The following KLF7 variants were observed in gnomAD, a reference collection of about 807,000 sequenced individuals.
KLF7 encodes Krueppel-like factor 7.
A neutral mutation model predicts 27.3 loss-of-function variants in KLF7; 2 were observed. The ratio of observed to expected loss-of-function variants is 0.07; its 90% CI spans 0.03 to 0.23. The LOEUF (loss-of-function observed/expected upper bound fraction) is 0.23. Ranked by LOEUF, KLF7 falls within the 10% of genes least tolerant of loss-of-function variation. The probability of loss-of-function intolerance (pLI) is 1.00; values close to 1 mark genes in which losing one functional copy is unlikely to be tolerated. For synonymous variants in KLF7, 165 were observed against 162.4 expected (o/e 1.02, Z -0.12); for missense variants, 221 against 394.1 (o/e 0.56, Z 3.72).
intron 1 of KLF7, among the ~76,000 whole-genome samples, chr2:207,130,404 T>C (rs1350928332): frequency 6.6e-6 from 1 of 152,262 alleles, no homozygotes; most frequent in Non-Finnish European, 1.5e-5. Context: ...GTGGGATGTC[T>C]GGTTTATTAA....
intron 2 of KLF7, among the ~76,000 whole-genome samples, chr2:207,095,471 T>G (rs2076608377): frequency 6.6e-6 from 1 of 152,200 alleles, no homozygotes; most frequent in Non-Finnish European, 1.5e-5. Context: ...CTCAATGAGG[T>G]ACAGCTCCTA....
rs1333485165 is a variant in KLF7 at position 207,078,973 on chromosome 2, C to T, written c.*2240G>A. 1 of 152,084 alleles carries T rather than the reference C, an allele frequency of 6.6e-6. No homozygotes were observed. Among genetic ancestry groups the T allele is most frequent in the Non-Finnish European group, 1.5e-5 (1 of 68,034 alleles). 9.4% of individuals were successfully genotyped at this position (152,084 alleles called of 1,614,324 possible). On this transcript the variant is annotated 3_prime_UTR_variant, in exon 4 of 4. Coordinates refer to ENST00000309446, the MANE Select transcript of KLF7 (RefSeq NM_003709.4). ...TAATACCCTCCAACTAACATACATA[C>T]AATTGCCTCCGGCAAATGGACAGAT... is the stretch of plus-strand genomic sequence containing the variant.
chr2:207,081,403 G>T, intron 3 of KLF7, 139 bp from the exon 4 acceptor site: 1 of 798,298 alleles, frequency 1.3e-6, no homozygotes. Context: ...GTGTTGGGAA[G>T]GTAAGTTTAA....
At chr2:207,138,384 G>C (rs189581648) in intron 1 of KLF7, among the ~76,000 whole-genome samples, 22 of 152,284 alleles carry the variant, frequency 1.4e-4, no homozygotes, top group African/African-American at 4.8e-4. Context: ...GGAAAAAGGT[G>C]GTCCTTGATA....
upstream of KLF7, among the ~76,000 whole-genome samples, chr2:207,168,852 G>T (rs1433101630): frequency 6.6e-6 from 1 of 152,124 alleles, no homozygotes; most frequent in African/African-American, 2.4e-5. Flanking sequence ...CACATGCAAG[G>T]TATCCAGATG....
At chr2:207,151,478 G>A (rs2078246773) in intron 1 of KLF7, among the ~76,000 whole-genome samples, 1 of 152,008 alleles carries the variant, frequency 6.6e-6, no homozygotes, top group African/African-American at 2.4e-5. Flanking sequence ...TAAATATGGG[G>A]CATAAAAAAG....
chr2:207,087,070 G>A (rs1474046183), intron 3 of KLF7, among the ~76,000 whole-genome samples: 1 of 152,242 alleles, frequency 6.6e-6, no homozygotes, highest in African/African-American at 2.4e-5. Flanking sequence ...AGCATACTCT[G>A]TAGAAGACAG....
At chr2:207,101,455 A>C (rs2076763580) in intron 2 of KLF7, among the ~76,000 whole-genome samples, 1 of 152,222 alleles carries the variant, frequency 6.6e-6, no homozygotes, top group African/African-American at 2.4e-5. Context: ...TGAAACTTGA[A>C]GGACACTAAG....
intron 3 of KLF7, among the ~76,000 whole-genome samples, chr2:207,086,016 G>T (rs558218045): frequency 4.8e-5 from 7 of 146,140 alleles, no homozygotes; most frequent in African/African-American, 1.8e-4. Flanking sequence ...AACCAAAAAC[G>T]TCATGAATTT....
At chr2:207,171,873 C>T (rs2078789202), upstream of KLF7, among the ~76,000 whole-genome samples, 1 of 152,078 alleles carries the variant, frequency 6.6e-6, no homozygotes, top group Admixed American at 6.5e-5. Context: ...CCAAAGTCAG[C>T]AATATTTTCA....
At chr2:207,142,406 C>G (rs2077969267) in intron 1 of KLF7, among the ~76,000 whole-genome samples, 1 of 152,206 alleles carries the variant, frequency 6.6e-6, no homozygotes, top group Non-Finnish European at 1.5e-5. Context: ...TGAGCTTCCA[C>G]TTTATATAGG....
intron 2 of KLF7, among the ~76,000 whole-genome samples, chr2:207,101,252 G>C (rs1412390790): frequency 1.3e-5 from 2 of 152,240 alleles, no homozygotes; most frequent in Non-Finnish European, 2.9e-5. Context: ...GACACTGCTA[G>C]AGATTAAAGC....
At chr2:207,159,692 T>C (rs1049783922) in intron 1 of KLF7, among the ~76,000 whole-genome samples, 7 of 152,194 alleles carry the variant, frequency 4.6e-5, no homozygotes, top group Non-Finnish European at 7.3e-5. Context: ...CAATGAAGAA[T>C]GGTATCCCCC....
At position 207,124,311 on chromosome 2, in the gene KLF7, G is replaced by A; in HGVS notation, c.196C>T (p.Pro66Ser). ...EDLDCFLHAS[P>S]PPCIEESFRR... ...AAGCTTTCCTCAATGCACGGGGGAG[G>A]GGAAGCGTGGAGGAAACAGTCCAAG... Residue 66 changes from proline to serine, a missense_variant, in exon 2 of 4, where the codon CCT (proline) becomes TCT (serine). Around this residue, in one of 3 missense-constraint regions of KLF7, gnomAD observed 180 missense variants for 227.9 expected, o/e 0.79. Transcript: ENST00000309446. 1 of 1,613,142 alleles carries A rather than the reference G, an allele frequency of 6.2e-7. No individual in the cohort carries two copies. The highest frequency in any genetic ancestry group is 8.5e-7 in the Non-Finnish European group (1 of 1,179,242).
At chr2:207,110,151 A>G (rs2244918) in intron 2 of KLF7, 61,249 of 154,664 alleles carry the variant, frequency 0.4, 12,756 homozygotes, top group African/African-American at 0.52. Context: ...AAATGCAGAC[A>G]TAAAGTATGT....
chr2:207,160,836 CT>C (rs1299192559), intron 1 of KLF7, among the ~76,000 whole-genome samples: 1 of 152,186 alleles, frequency 6.6e-6, no homozygotes, highest in East Asian at 1.9e-4. Flanking sequence ...CATTTGGATG[CT>C]TAAGGTCTCT....
intron 3 of KLF7, among the ~76,000 whole-genome samples, chr2:207,081,726 A>G (rs1011407625): frequency 6.6e-6 from 1 of 152,132 alleles, no homozygotes; most frequent in South Asian, 2.1e-4. Context: ...TAATTAGTCT[A>G]TATCATCAAA....
chr2:207,116,517 T>G (rs2244089), intron 2 of KLF7, among the ~76,000 whole-genome samples: 29,719 of 152,142 alleles, frequency 0.2, 3,186 homozygotes, highest in East Asian at 0.34. Flanking sequence ...CCATCAATTC[T>G]TATAACGTCA....
At chr2:207,138,944 C>CT (rs1276337132) in intron 1 of KLF7, among the ~76,000 whole-genome samples, 4 of 152,210 alleles carry the variant, frequency 2.6e-5, no homozygotes, top group Non-Finnish European at 5.9e-5. Flanking sequence ...AACTTGAGTT[C>CT]TTCCTTGCGT....
Sources: gnomAD v4.1 joint callset for allele counts (sites outside exome capture counted in the v4.1 genomes callset) on GRCh38, gnomAD v4.1.1 for gene constraint, gnomAD v4.1.1 regional missense constraint, MANE v1.5 for transcripts, NCBI Gene and HGNC (gene_info 2026-07-23, HGNC 2026-07-21) for gene names.